DOCK5: variants seen among roughly 807,000 people sequenced by gnomAD.
The protein encoded by DOCK5 is dedicator of cytokinesis protein 5.
A neutral mutation model predicts 251.8 loss-of-function variants in DOCK5; 142 were observed. The observed-to-expected ratio is 0.56, with a 90% CI of 0.49 to 0.65. The LOEUF (loss-of-function observed/expected upper bound fraction) is 0.65. Among genes scored for constraint, DOCK5 ranks in the 30% least tolerant of loss-of-function variants. The pLI is 0.00. For missense variants in DOCK5, 2,111 were observed against 2,312.3 expected (o/e 0.91, Z 1.79); for synonymous variants, 842 against 835.5 (o/e 1.01, Z -0.13).
intron 20 of DOCK5, among the ~76,000 whole-genome samples, chr8:25,333,576 C>A (rs77290248): frequency 0.016 from 2,486 of 152,246 alleles, 76 homozygotes; most frequent in African/African-American, 0.054. Context: ...TTTCTTCTGA[C>A]CCCTCTGTCT....
rs968640030 is a variant in DOCK5 at position 25,411,974 on chromosome 8, T to G, written c.*676T>G. On this transcript the variant is annotated 3_prime_UTR_variant, in exon 52 of 52. Transcript: ENST00000276440. ...CCATCTTCTTGTGGCACAGGAAAGC[T>G]GCCCTCTCCCTCTCCCACCACACTC... The G allele has an allele frequency of 1.3e-5, 2 of 151,322 alleles. No individual in the cohort carries two copies. The highest frequency in any genetic ancestry group is 4.8e-5 in the African/African-American group (2 of 41,320). 9.4% of individuals were successfully genotyped at this position (151,322 alleles called of 1,614,324 possible).
At chr8:25,356,891 T>A (rs1173106754) in intron 27 of DOCK5, among the ~76,000 whole-genome samples, 1 of 140,170 alleles carries the variant, frequency 7.1e-6, no homozygotes, top group Admixed American at 7.6e-5. Context: ...AAATTTTAAA[T>A]CCCTCTATAT....
At chr8:25,363,868 C>T (rs867591893) in intron 29 of DOCK5, among the ~76,000 whole-genome samples, 8 of 152,222 alleles carry the variant, frequency 5.3e-5, no homozygotes, top group Admixed American at 4.6e-4. Flanking sequence ...TCTTCTGAAG[C>T]GTCACCTCCA....
rs539082224 is a variant in DOCK5 at position 25,408,047 on chromosome 8, C to T, written c.5158C>T (p.Leu1720Phe). 3.7e-6 allele frequency: 6 copies of T among 1,611,354 alleles called. No homozygotes were observed. The African/African-American group carries it at 4.0e-5, about 11-fold the overall frequency. ...AGGTGCCAGAGTTGAAGATCTGTCC[C>T]TTAGAGAGGAGAACAGCGAGAACCG... ...SSGARVEDLS[L>F]REENSENRIS... Residue 1720 changes from leucine (L) to phenylalanine (F), a missense_variant, in exon 49 of 52, where the codon CTT becomes TTT. Transcript: ENST00000276440.
intron 26 of DOCK5, among the ~76,000 whole-genome samples, chr8:25,346,510 C>G (rs1184059355): frequency 6.6e-6 from 1 of 151,808 alleles, no homozygotes; most frequent in Non-Finnish European, 1.5e-5. Flanking sequence ...TCTCTGTGAC[C>G]TGGCCCCCAT....
At chr8:25,339,601 C>T (rs1027704987) in intron 22 of DOCK5, among the ~76,000 whole-genome samples, 1 of 152,128 alleles carries the variant, frequency 6.6e-6, no homozygotes, top group African/African-American at 2.4e-5. Flanking sequence ...GAAGCAGCCT[C>T]CAGAGATGTC....
At chr8:25,305,224 T>C (rs1804873730) in intron 11 of DOCK5, 1 of 151,414 alleles carries the variant, frequency 6.6e-6, no homozygotes, top group Non-Finnish European at 1.5e-5. Flanking sequence ...GCCAGAGTCA[T>C]ATATTTGAGT....
intron 28 of DOCK5, among the ~76,000 whole-genome samples, chr8:25,359,708 G>C (rs1173163143): frequency 1.3e-5 from 2 of 152,204 alleles, no homozygotes; most frequent in Admixed American, 1.3e-4. Flanking sequence ...AGGTGGAACA[G>C]TTTCATCCCA....
At chr8:25,270,684 T>A in intron 3 of DOCK5, 1 of 468,252 alleles carries the variant, frequency 2.1e-6, no homozygotes, top group South Asian at 5.4e-5. Flanking sequence ...GATCAGGTCT[T>A]CTTTTTCATA....
intron 2 of DOCK5, among the ~76,000 whole-genome samples, chr8:25,249,929 A>G (rs1030594793): frequency 6.6e-6 from 1 of 152,226 alleles, no homozygotes; most frequent in African/African-American, 2.4e-5. Flanking sequence ...ATTGCTGAGT[A>G]ATATGTATTA....
intron 34 of DOCK5, among the ~76,000 whole-genome samples, chr8:25,372,041 G>T (rs1387043680): frequency 6.6e-6 from 1 of 152,188 alleles, no homozygotes; most frequent in Non-Finnish European, 1.5e-5. Context: ...CTAAAGAGCC[G>T]CATTGCAGGA....
intron 27 of DOCK5, 42 bp from the exon 28 acceptor site, chr8:25,358,921 G>T (rs1794638053): frequency 2.6e-6 from 4 of 1,559,426 alleles, no homozygotes; most frequent in Middle Eastern, 1.7e-4. Context: ...GTCAGTTGGT[G>T]GTCTAAGGAG....
intron 1 of DOCK5, among the ~76,000 whole-genome samples, chr8:25,191,124 A>G (rs530168776): frequency 6.6e-6 from 1 of 152,178 alleles, no homozygotes; most frequent in South Asian, 2.1e-4. Flanking sequence ...TTATTTTAGT[A>G]TGTTCCAGGG....
At chr8:25,203,877 A>G (rs542270815) in intron 1 of DOCK5, among the ~76,000 whole-genome samples, 5 of 152,338 alleles carry the variant, frequency 3.3e-5, no homozygotes, top group Admixed American at 2.0e-4. Flanking sequence ...CAGTTGTAAA[A>G]CCTTAGGAAA....
chr8:25,218,775 A>G (rs1802312004), intron 1 of DOCK5, among the ~76,000 whole-genome samples: 1 of 152,208 alleles, frequency 6.6e-6, no homozygotes, highest in South Asian at 2.1e-4. Flanking sequence ...TCTTCTAGGG[A>G]GAGGCTTGAA....
rs144304089 is a variant in DOCK5 at position 25,404,293 on chromosome 8, T to A, written c.5093+569T>A. On this transcript the variant is annotated intron_variant, in intron 48 of 51. Coordinates refer to ENST00000276440, the MANE Select transcript of DOCK5 (RefSeq NM_024940.8). ...CATTTAATATTATATCTTGAAACTCTTTCCATTTCAGAACATAAAAAGCCC... is the reference window on the plus strand; with the variant it reads ...CATTTAATATTATATCTTGAAACTCATTCCATTTCAGAACATAAAAAGCCC... Among the ~76,000 whole-genome samples, 539 of 152,334 alleles carry A rather than the reference T, an allele frequency of 3.5e-3. 5 individuals carry two copies. The highest frequency in any genetic ancestry group is 0.032 in the South Asian group (156 of 4,822).
intron 11 of DOCK5, among the ~76,000 whole-genome samples, chr8:25,307,742 G>A (rs776786415): frequency 1.4e-4 from 21 of 152,112 alleles, no homozygotes; most frequent in Non-Finnish European, 2.9e-4. Context: ...CGTGCCTTGA[G>A]TCCCTGACGA....
At chr8:25,268,481 A>G (rs1430712629) in intron 2 of DOCK5, among the ~76,000 whole-genome samples, 1 of 152,166 alleles carries the variant, frequency 6.6e-6, no homozygotes, top group East Asian at 1.9e-4. Flanking sequence ...TATACAATGA[A>G]AGTCCATATT....
In DOCK5 at chr8:25,411,485, G is replaced by A. The variant is rs1231740246; in HGVS notation, c.*187G>A. On this transcript the variant is annotated 3_prime_UTR_variant, in exon 52 of 52. Transcript: ENST00000276440. ...CTCTTTGATAGAATTTTGAGGCCAT[G>A]CCACCTCCCTTCCAGTCCACATGGA... is the stretch of plus-strand genomic sequence containing the variant. 1.9e-5 allele frequency: 15 copies of A among 770,542 alleles called. No individual in the cohort carries two copies. The highest frequency in any genetic ancestry group is 2.5e-5 in the Non-Finnish European group (14 of 552,690). The allele number at this position is 770,542 out of a possible 1,614,324, so 47.7% of individuals were successfully genotyped here. A position where few individuals can be genotyped will look rare whatever the true frequency, so the allele number is the denominator to read the frequency against.
Sources: gnomAD v4.1 joint callset for allele counts (sites outside exome capture counted in the v4.1 genomes callset) on GRCh38, gnomAD v4.1.1 for gene constraint, MANE v1.5 for transcripts, NCBI Gene and HGNC (gene_info 2026-07-23, HGNC 2026-07-21) for gene names.